The following CCDC171 variants were observed in gnomAD, a reference collection of about 807,000 sequenced individuals.
The protein encoded by CCDC171 is coiled-coil domain containing 171, also known as coiled-coil domain-containing protein 171.
A neutral mutation model predicts 168.2 loss-of-function variants in CCDC171; 177 were observed. The observed-to-expected ratio is 1.05, with a 90% CI of 0.93 to 1.19. The LOEUF (loss-of-function observed/expected upper bound fraction) is 1.19. CCDC171 is among the 50% of genes most tolerant of loss of function. CCDC171 has a pLI of 0.00. For missense variants in CCDC171, 1,991 were observed against 1,539.0 expected, an observed-to-expected ratio of 1.29 and a Z score of -4.91; for synonymous variants, 687 against 540.8, an observed-to-expected ratio of 1.27 and a Z score of -3.75.
At chr9:15,562,436 T>C (rs1320430262) in intron 1 of CCDC171, among the ~76,000 whole-genome samples, 2 of 152,182 alleles carry the variant, frequency 1.3e-5, no homozygotes, top group African/African-American at 2.4e-5. Context: ...TAGAAGTAGA[T>C]GAAACTTGCT....
intron 18 of CCDC171, among the ~76,000 whole-genome samples, chr9:15,758,236 C>T (rs1011886080): frequency 1.3e-5 from 2 of 152,160 alleles, no homozygotes; most frequent in East Asian, 1.9e-4. Flanking sequence ...GTGGAGCTGC[C>T]CAAGACCATG....
chr9:15,974,352 A>G (rs1285178468), downstream of CCDC171, among the ~76,000 whole-genome samples: 3 of 152,186 alleles, frequency 2.0e-5, no homozygotes, highest in Non-Finnish European at 4.4e-5. Flanking sequence ...CAATTGCTGC[A>G]TATTTGAGAT....
intron 25 of CCDC171, among the ~76,000 whole-genome samples, chr9:15,958,042 GTTTAATA>G (rs959009400): frequency 2.0e-5 from 3 of 152,166 alleles, no homozygotes; most frequent in African/African-American, 7.2e-5. Flanking sequence ...AGAAAGAGGA[GTTTAATA>G]TTAAAAGATG....
chr9:16,069,214 C>A, the CCDC171 span, among the ~76,000 whole-genome samples: 1 of 152,204 alleles, frequency 6.6e-6, no homozygotes, highest in African/African-American at 2.4e-5. Context: ...AAAAAAACAT[C>A]TCATGGAAAA....
At chr9:15,750,613 G>T (rs988585594) in intron 18 of CCDC171, among the ~76,000 whole-genome samples, 2 of 150,654 alleles carry the variant, frequency 1.3e-5, no homozygotes, top group African/African-American at 4.8e-5. Context: ...AAAATGCAAG[G>T]CTGGTTCAAC....
chr9:15,658,007 T>G (rs1402512659), intron 8 of CCDC171, among the ~76,000 whole-genome samples: 1 of 152,228 alleles, frequency 6.6e-6, no homozygotes, highest in Admixed American at 6.5e-5. Flanking sequence ...ATATTGTTTA[T>G]GGGTGCTTGT....
At chr9:15,902,696 G>A (rs1368169428) in intron 24 of CCDC171, among the ~76,000 whole-genome samples, 1 of 152,162 alleles carries the variant, frequency 6.6e-6, no homozygotes. Context: ...CAGGACAGTG[G>A]GTGCAGCGCA....
At chr9:15,961,317 A>C (rs1255929629) in intron 25 of CCDC171, among the ~76,000 whole-genome samples, 23 of 152,168 alleles carry the variant, frequency 1.5e-4, no homozygotes, top group Admixed American at 1.4e-3. Context: ...TCAGTAATGA[A>C]ATAGTGGTCA....
intron 1 of CCDC171, among the ~76,000 whole-genome samples, chr9:16,052,992 G>A (rs1208829502): frequency 6.6e-6 from 1 of 152,024 alleles, no homozygotes; most frequent in African/African-American, 2.4e-5. Flanking sequence ...CCTCTCCCTC[G>A]CCAGGAATAT....
rs138031162 is a variant in CCDC171, at chr9:15,665,739, C to G, written c.916-424C>G. Among the ~76,000 whole-genome samples the G allele has an allele frequency of 5.0e-3, 769 of 152,332 alleles. 9 individuals carry two copies. Among genetic ancestry groups the G allele is most frequent in the African/African-American group, 0.017 (707 of 41,570 alleles). On this transcript the variant is annotated intron_variant, in intron 8 of 25. Transcript: ENST00000380701. ...AAGGCTGCAGTGAGCTATGATCACA[C>G]TACTGCACTTCAGCCTGGGTGACAA...
chr9:15,743,092 A>T (rs572090679), intron 16 of CCDC171, among the ~76,000 whole-genome samples: 2 of 144,792 alleles, frequency 1.4e-5, no homozygotes, highest in East Asian at 2.0e-4. Context: ...ATAAATGTTT[A>T]TTGAATAATA....
intron 6 of CCDC171, among the ~76,000 whole-genome samples, chr9:15,606,048 C>T (rs547844069): frequency 3.9e-5 from 6 of 152,064 alleles, no homozygotes; most frequent in Non-Finnish European, 5.9e-5. Flanking sequence ...ATAAATTAGG[C>T]GCAGTAAGAG....
At chr9:16,097,340 T>A in the CCDC171 span, among the ~76,000 whole-genome samples, 1 of 152,216 alleles carries the variant, frequency 6.6e-6, no homozygotes. Flanking sequence ...TATATGCTAG[T>A]GTCTAAGAGA....
intron 11 of CCDC171, among the ~76,000 whole-genome samples, chr9:15,720,137 T>G (rs535155888): frequency 2.6e-5 from 4 of 152,132 alleles, no homozygotes; most frequent in African/African-American, 9.6e-5. Flanking sequence ...GTGCTTAAAT[T>G]ATACCTTGAT....
chr9:16,000,260 C>T (rs1471784552), intron 3 of CCDC171, among the ~76,000 whole-genome samples: 1 of 152,106 alleles, frequency 6.6e-6, no homozygotes, highest in African/African-American at 2.4e-5. Context: ...AAACTACAAA[C>T]CCAAAGCCTT....
chr9:15,834,634 A>G (rs376277148), intron 21 of CCDC171, among the ~76,000 whole-genome samples: 4 of 152,164 alleles, frequency 2.6e-5, no homozygotes, highest in East Asian at 1.9e-4. Flanking sequence ...ATTATTTTCT[A>G]TGTTTTAGTT....
At chr9:16,018,285 TC>T (rs1482270818) in intron 3 of CCDC171, among the ~76,000 whole-genome samples, 7 of 152,258 alleles carry the variant, frequency 4.6e-5, no homozygotes, top group Non-Finnish European at 1.0e-4. Flanking sequence ...TATAGCATTA[TC>T]CTTAGCAAAA....
intron 6 of CCDC171, among the ~76,000 whole-genome samples, chr9:15,620,232 G>C (rs1038659216): frequency 6.6e-6 from 1 of 152,220 alleles, no homozygotes; most frequent in African/African-American, 2.4e-5. Flanking sequence ...AGCTGACATA[G>C]ATAGTGACTC....
chr9:15,735,967 T>C (rs1000603581), intron 16 of CCDC171, among the ~76,000 whole-genome samples: 1 of 152,194 alleles, frequency 6.6e-6, no homozygotes. Context: ...TTTTCAATGC[T>C]TTTGCATATT....
Sources: allele counts gnomAD v4.1 joint callset (sites outside exome capture counted in the v4.1 genomes callset), GRCh38; gene constraint gnomAD v4.1.1; transcripts MANE v1.5; gene names NCBI Gene and HGNC (gene_info 2026-07-23, HGNC 2026-07-21).